The following CEP63 variants were observed in gnomAD, a reference collection of about 807,000 sequenced individuals.
CEP63 encodes centrosomal protein 63.
CEP63 carries 84 observed loss-of-function variants against 89.1 expected under a neutral mutation model. That is an observed-to-expected ratio of 0.94 (90% confidence interval 0.79 to 1.13). The LOEUF is 1.13. Among genes scored for constraint, CEP63 ranks in the 50% most tolerant of loss-of-function variants. The probability of loss-of-function intolerance (pLI) is 0.00; values close to 1 mark genes in which losing one functional copy is unlikely to be tolerated. For synonymous variants in CEP63, 267 were observed against 272.5 expected (o/e 0.98, Z 0.20); for missense variants, 838 against 813.3 (o/e 1.03, Z -0.37).
At chr3:134,642,516 T>C in the CEP63 span, among the ~76,000 whole-genome samples, 1 of 129,848 alleles carries the variant, frequency 7.7e-6, no homozygotes, top group Non-Finnish European at 1.7e-5. Flanking sequence ...TCTTGTCGTG[T>C]GCTCAGATCC....
At chr3:134,556,408 T>C (rs530053344) in intron 12 of CEP63, among the ~76,000 whole-genome samples, 5 of 150,724 alleles carry the variant, frequency 3.3e-5, no homozygotes, top group Non-Finnish European at 5.9e-5. Context: ...TTGGGAATAA[T>C]AGGAGAGGAG....
downstream of CEP63, among the ~76,000 whole-genome samples, chr3:134,577,219 A>T (rs1958235867): frequency 6.7e-6 from 1 of 149,584 alleles, no homozygotes; most frequent in Non-Finnish European, 1.5e-5. Context: ...ATAGAGTGCC[A>T]TCTATAAAGA....
chr3:134,561,899 T>A lies in CEP63; in HGVS notation c.*364T>A. On this transcript the variant is annotated 3_prime_UTR_variant, in exon 15 of 15. Transcript: ENST00000675561. ...GAAAATAAAGTAACTGCAGGAACTTTCTTTAGGGGAAATGTGTAGAAGCAT... is the reference window on the plus strand; with the variant it reads ...GAAAATAAAGTAACTGCAGGAACTTACTTTAGGGGAAATGTGTAGAAGCAT... The A allele has an allele frequency of 1.9e-6, 2 of 1,068,188 alleles. No individual in the cohort carries two copies. Among genetic ancestry groups the A allele is most frequent in the Non-Finnish European group, 2.3e-6 (2 of 879,552 alleles). The allele number at this position is 1,068,188 out of a possible 1,614,324, so 66.2% of individuals were successfully genotyped here. A position where few individuals can be genotyped will look rare whatever the true frequency, so the allele number is the denominator to read the frequency against.
At chr3:134,588,552 C>T (rs1258140270), downstream of CEP63, among the ~76,000 whole-genome samples, 2 of 152,142 alleles carry the variant, frequency 1.3e-5, no homozygotes, top group African/African-American at 4.8e-5. Context: ...GAAATGACTA[C>T]ACTCTTGGTG....
At chr3:134,693,036 C>T in the CEP63 span, among the ~76,000 whole-genome samples, 1 of 152,156 alleles carries the variant, frequency 6.6e-6, no homozygotes, top group Non-Finnish European at 1.5e-5. Context: ...GTTGCCCACC[C>T]CATATCTTTT....
the CEP63 span, among the ~76,000 whole-genome samples, chr3:134,710,281 A>T: frequency 0.89 from 135,239 of 152,174 alleles, 61,294 homozygotes; most frequent in East Asian, 1. Context: ...ACCAGGAAAA[A>T]GGCTGGCTGG....
the CEP63 span, among the ~76,000 whole-genome samples, chr3:134,633,060 A>G: frequency 6.6e-6 from 1 of 152,080 alleles, no homozygotes; most frequent in African/African-American, 2.4e-5. Context: ...CAAAACTCAT[A>G]TAGGAAGCAG....
chr3:134,607,914 G>A, the CEP63 span: 8 of 991,632 alleles, frequency 8.1e-6, no homozygotes, highest in Non-Finnish European at 9.6e-6. Flanking sequence ...AGGGGTGCCT[G>A]AGTTTGGAGG....
chr3:134,670,887 A>G, the CEP63 span, among the ~76,000 whole-genome samples: 1 of 152,266 alleles, frequency 6.6e-6, no homozygotes. Context: ...CATCTACAAC[A>G]CAAAACTGAA....
At chr3:134,680,410 A>G in the CEP63 span, among the ~76,000 whole-genome samples, 2 of 152,206 alleles carry the variant, frequency 1.3e-5, no homozygotes, top group African/African-American at 4.8e-5. Flanking sequence ...TGAAACAGCC[A>G]TTGAGGAGAC....
chr3:134,487,807 T>C (rs532405110), intron 1 of CEP63, among the ~76,000 whole-genome samples: 18 of 152,388 alleles, frequency 1.2e-4, no homozygotes, highest in African/African-American at 4.3e-4. Context: ...AATGTCTTTT[T>C]ACAATTAGCT....
rs116511077 is a variant in CEP63 at position 134,550,800 on chromosome 3, G to C, written c.1380+540G>C. The stretch of plus-strand genomic sequence containing the variant: ...GCTGCAAGCAGGAGTAAAATTCAGT[G>C]GTCCTTAAATGGAGAATAAGCAGGG... On this transcript the variant is annotated intron_variant, in intron 11 of 14. Coordinates refer to ENST00000675561, the MANE Select transcript of CEP63 (RefSeq NM_001353108.3). 5.6e-3 allele frequency among the ~76,000 whole-genome samples: 855 copies of C among 152,242 alleles called. 10 individuals are homozygous for C. The highest frequency in any genetic ancestry group is 0.02 in the African/African-American group (814 of 41,542).
the CEP63 span, among the ~76,000 whole-genome samples, chr3:134,705,036 A>T: frequency 6.6e-6 from 1 of 152,224 alleles, no homozygotes; most frequent in Non-Finnish European, 1.5e-5. Flanking sequence ...TAGGAGGAAT[A>T]TCTGCAGTCC....
chr3:134,486,190 G>T lies in CEP63; in HGVS notation c.-38G>T, dbSNP rs1473141152. 8.1e-6 allele frequency: 8 copies of T among 985,608 alleles called. No homozygotes were observed. The highest frequency in any genetic ancestry group is 9.6e-6 in the Non-Finnish European group (8 of 830,044). The allele number at this position is 985,608 out of a possible 1,614,324, so 61.1% of individuals were successfully genotyped here. On this transcript the variant is annotated 5_prime_UTR_variant, in exon 1 of 15. Transcript: ENST00000675561. Reference sequence around the variant, plus strand: ...AGCTTAGCGGTGGCGCGCGTGCGCAGCGCCGGCCCGAGGTAACGGCGGGAA... The same window carrying T: ...AGCTTAGCGGTGGCGCGCGTGCGCATCGCCGGCCCGAGGTAACGGCGGGAA...
intron 3 of CEP63, among the ~76,000 whole-genome samples, chr3:134,527,705 G>C (rs374050543): frequency 1.3e-5 from 2 of 152,270 alleles, no homozygotes; most frequent in South Asian, 4.1e-4. Flanking sequence ...GCTCTCTGCT[G>C]GTCAGGCATA....
the CEP63 span, among the ~76,000 whole-genome samples, chr3:134,660,735 G>A: frequency 6.6e-6 from 1 of 152,194 alleles, no homozygotes; most frequent in Admixed American, 6.5e-5. Context: ...GAGTGTGCAA[G>A]CTTGTCCTGT....
chr3:134,731,514 G>C, the CEP63 span, among the ~76,000 whole-genome samples: 1 of 151,968 alleles, frequency 6.6e-6, no homozygotes, highest in East Asian at 1.9e-4. Context: ...ATAACTCATG[G>C]GTCAAAAAAG....
the CEP63 span, among the ~76,000 whole-genome samples, chr3:134,638,661 T>C: frequency 6.6e-6 from 1 of 152,226 alleles, no homozygotes; most frequent in Non-Finnish European, 1.5e-5. Context: ...CCCTGCCTTC[T>C]CAGAAACAGA....
rs147051749 is a variant in CEP63 at position 134,550,059 on chromosome 3, A to G, written c.1183-4A>G. 2.5e-4 allele frequency: 399 copies of G among 1,608,160 alleles called. 2 individuals carry two copies. In the East Asian group the frequency reaches 7.5e-3, roughly 30 times the overall value. On this transcript the variant is annotated splice_region_variant and splice_polypyrimidine_tract_variant and intron_variant, in intron 10 of 14. Coordinates refer to ENST00000675561, the MANE Select transcript of CEP63 (RefSeq NM_001353108.3). ...TTGGTGCTTTCTTTTCTGCTTCTTT[A>G]TAGTTGAAAGAACAGATTTTACAGG...
Sources: allele counts gnomAD v4.1 joint callset (sites outside exome capture counted in the v4.1 genomes callset), GRCh38; gene constraint gnomAD v4.1.1; transcripts MANE v1.5; gene names NCBI Gene and HGNC (gene_info 2026-07-23, HGNC 2026-07-21).